Variants in MAST1 observed in about 807,000 individuals in gnomAD.
The protein encoded by MAST1 is microtubule associated serine/threonine kinase 1.
In MAST1, 40 loss-of-function variants were observed where a neutral mutation model predicts 124.6. The ratio of observed to expected loss-of-function variants is 0.32; its 90% CI spans 0.25 to 0.42. MAST1 has a LOEUF of 0.42. Among genes scored for constraint, MAST1 ranks in the 10% least tolerant of loss-of-function variants. MAST1 has a pLI of 1.00. For synonymous variants in MAST1, 938 were observed against 939.4 expected, an observed-to-expected ratio of 1.00 and a Z score of 0.03; for missense variants, 1,558 against 2,181.9, an observed-to-expected ratio of 0.71 and a Z score of 5.70.
In MAST1 at chr19:12,844,592, C is replaced by A. The variant is rs562733700; in HGVS notation, c.327+985C>A. 3.9e-5 allele frequency among the ~76,000 whole-genome samples: 6 copies of A among 152,238 alleles called. No individual in the cohort carries two copies. In the East Asian group the frequency reaches 1.2e-3, roughly 29 times the overall value. ...GGAGGAGGTGACATTGAAACCAAGA[C>A]AACAGACCAGCAGGAGTTTGGCAGA... On this transcript the variant is annotated intron_variant, in intron 4 of 25. Transcript: ENST00000251472.
chr19:12,842,941 C>A (rs545201581), intron 3 of MAST1, among the ~76,000 whole-genome samples: 1 of 151,962 alleles, frequency 6.6e-6, no homozygotes, highest in Non-Finnish European at 1.5e-5. Flanking sequence ...ATGGGATAGT[C>A]AATACGTGTG....
chr19:12,849,134 G>T (rs1445173004), intron 7 of MAST1, among the ~76,000 whole-genome samples: 2 of 152,158 alleles, frequency 1.3e-5, no homozygotes, highest in South Asian at 2.1e-4. Context: ...GGTGAGGGTG[G>T]GGGGGTGGAG....
chr19:12,867,425 G>A, intron 18 of MAST1, 49 bp from the exon 19 acceptor site: 1 of 1,605,666 alleles, frequency 6.2e-7, no homozygotes, highest in Admixed American at 1.7e-5. Flanking sequence ...ATTAGCTCCG[G>A]AGTGAAAGTG....
chr19:12,863,597 A>G (rs1206047896), intron 12 of MAST1, among the ~76,000 whole-genome samples: 1 of 152,160 alleles, frequency 6.6e-6, no homozygotes, highest in African/African-American at 2.4e-5. Context: ...CTCATGTAGC[A>G]AGGTTGCCAT....
chr19:12,866,836 G>T lies in MAST1; in HGVS notation c.2139+74G>T. ...GGCTTGGAGAGACAGTGAGAAACAG[G>T]TTCCCTGGTGCCCAAGGTCTCAGGA... On this transcript the variant is annotated intron_variant, in intron 18 of 25. Coordinates refer to ENST00000251472, the MANE Select transcript of MAST1 (RefSeq NM_014975.3). The surrounding 1 kb of genome is among the most constrained non-coding windows in gnomAD (Gnocchi z 5.2). 7.9e-7 allele frequency: 1 copy of T among 1,259,766 alleles called. No individual in the cohort carries two copies. Among genetic ancestry groups the T allele is most frequent in the Non-Finnish European group, 1.1e-6 (1 of 881,432 alleles). 78.0% of individuals were successfully genotyped at this position (1,259,766 alleles called of 1,614,324 possible).
Position 12,847,712 on chromosome 19 carries a change from C to CG in MAST1, c.564+29dup. The CG allele has an allele frequency of 6.2e-7, 1 of 1,611,300 alleles. No individual in the cohort carries two copies. The highest frequency in any genetic ancestry group is 1.3e-5 in the African/African-American group (1 of 74,974). On this transcript the variant is annotated intron_variant, in intron 6 of 25. Coordinates refer to ENST00000251472, the MANE Select transcript of MAST1 (RefSeq NM_014975.3). The surrounding 1 kb of genome is among the most constrained non-coding windows in gnomAD (Gnocchi z 5.5). ...GGTGAGGTGGGACCCGAGGCGGTCA[C>CG]GGGGTGACCAGGCGGCCTGCACTCT...
Position 12,865,505 on chromosome 19 carries a change from G to T in MAST1, c.1804+24G>T. On this transcript the variant is annotated intron_variant, in intron 15 of 25. Coordinates refer to ENST00000251472, the MANE Select transcript of MAST1 (RefSeq NM_014975.3). This position sits in a 1 kb window ranked among gnomAD's most constrained non-coding sequence, Gnocchi z 7.1. ...TGGTACGTGGCTTGGCAGTGTACAG[G>T]GGCAGAGTGTGGTGTGCACGGAGAG... 1 of 1,556,424 alleles carries T rather than the reference G, an allele frequency of 6.4e-7. No homozygotes were observed. Among genetic ancestry groups the T allele is most frequent in the South Asian group, 1.2e-5 (1 of 80,902 alleles).
chr19:12,874,715 C>T lies in MAST1; in HGVS notation c.4558C>T (p.Pro1520Ser), dbSNP rs1197850826. Residue 1520 changes from proline to serine, a missense_variant, in exon 26 of 26, where the codon CCC becomes TCC. Physicochemically the swap from Pro to Ser is moderately conservative, Grantham distance 74. Transcript: ENST00000251472. This position sits in a 1 kb window ranked among gnomAD's most constrained non-coding sequence, Gnocchi z 6.6. ...CCTAGCCCCAGCGAAGTGCAGTGCA[C>T]CCAGCAGTGCAGTGACCCCAGTCCC... ...PSLAPAKCSA[P>S]SSAVTPVPPA... 1 of 1,592,530 alleles carries T rather than the reference C, an allele frequency of 6.3e-7. No individual in the cohort carries two copies. Among genetic ancestry groups the T allele is most frequent in the East Asian group, 2.3e-5 (1 of 44,348 alleles).
Position 12,868,754 on chromosome 19 carries a change from CA to C in MAST1, c.2679del (p.Asp895MetfsTer4). The C allele has an allele frequency of 6.2e-7, 1 of 1,612,714 alleles. No individual in the cohort carries two copies. Reference protein sequence around the residue: ...VLRRARHQQMSGDVAVEKRPS... With the variant: ...VLRRARHQQMXGDVAVEKRPS... Reference sequence around the variant, plus strand: ...CGCCGGGCGCGGCACCAGCAGATGTCAGGGGATGTGGCAGTAGAGAAGAGGC... The same window carrying C: ...CGCCGGGCGCGGCACCAGCAGATGTCGGGGATGTGGCAGTAGAGAAGAGGC... On this transcript the variant is annotated frameshift_variant, in exon 21 of 26. Transcript: ENST00000251472. LOFTEE classifies it high-confidence loss of function.
At position 12,850,639 on chromosome 19, in the gene MAST1, CAT is replaced by C. The variant is rs966298134; in HGVS notation, c.775-1291_775-1290del. Among the ~76,000 whole-genome samples the C allele has an allele frequency of 7.6e-4, 116 of 152,312 alleles. 1 individual carries two copies. The highest frequency in any genetic ancestry group is 2.7e-3 in the African/African-American group (111 of 41,582). ...ACATTTTCAAAGACACATTAAAACA[CAT>C]ATAGGTTGGTGCATACTTTTTTTTG... is the stretch of plus-strand genomic sequence containing the variant. On this transcript the variant is annotated intron_variant, in intron 7 of 25. Transcript: ENST00000251472.
chr19:12,871,153 G>A lies in MAST1; in HGVS notation c.3244G>A (p.Ala1082Thr), dbSNP rs778091278. 4.6e-5 allele frequency: 74 copies of A among 1,614,034 alleles called. No individual in the cohort carries two copies. Among genetic ancestry groups the A allele is most frequent in the East Asian group, 2.0e-4 (9 of 44,894 alleles). The change falls in exon 24 of 26, where the codon GCC becomes ACC. Residue 1082 changes from alanine (A) to threonine (T), a missense_variant. Coordinates refer to ENST00000251472, the MANE Select transcript of MAST1 (RefSeq NM_014975.3). ...GGCTCGGAGGAACAAGCGACCCTCCGCCAAGGAGGGCCAGGAGAGGTGGGC... is the reference window on the plus strand; with the variant it reads ...GGCTCGGAGGAACAAGCGACCCTCCACCAAGGAGGGCCAGGAGAGGTGGGC... ...KMARRNKRPS[A>T]KEGQESKKRS...
At position 12,865,877 on chromosome 19, in the gene MAST1, C is replaced by A; in HGVS notation, c.1906+59C>A. 1 of 1,603,284 alleles carries A rather than the reference C, an allele frequency of 6.2e-7. No homozygotes were observed. Among genetic ancestry groups the A allele is most frequent in the Non-Finnish European group, 8.5e-7 (1 of 1,172,996 alleles). ...CTGATAGAGAGCAGGCCTCCAAAACCCCAGGCCCAGCCTGTGCTGTGGCCC... is the reference window on the plus strand; with the variant it reads ...CTGATAGAGAGCAGGCCTCCAAAACACCAGGCCCAGCCTGTGCTGTGGCCC... On this transcript the variant is annotated intron_variant, in intron 16 of 25. Transcript: ENST00000251472. This position sits in a 1 kb window ranked among gnomAD's most constrained non-coding sequence, Gnocchi z 7.1.
In MAST1 at chr19:12,865,386, G is replaced by A; in HGVS notation, c.1709G>A (p.Trp570Ter). 6.2e-7 allele frequency: 1 copy of A among 1,612,666 alleles called. No homozygotes were observed. The highest frequency in any genetic ancestry group is 8.5e-7 in the Non-Finnish European group (1 of 1,179,272). ...CAAGGCTACGGCAAGCCAGTGGACT[G>A]GTGGGCTATGGGGATCATCCTCTAC... ...LRQGYGKPVD[W>*]WAMGIILYEF... is the part of the protein sequence containing the mutation. The change falls in exon 15 of 26, where the codon TGG (tryptophan) becomes TAG (stop). Residue 570 changes from tryptophan to a stop codon, truncating the protein, a stop_gained. Transcript: ENST00000251472. LOFTEE classifies it high-confidence loss of function. This position sits in a 1 kb window ranked among gnomAD's most constrained non-coding sequence, Gnocchi z 7.1.
Position 12,865,856 on chromosome 19 carries a change from T to TA in MAST1, c.1906+39dup, listed in dbSNP as rs1568413507. 6 of 1,602,554 alleles carry TA rather than the reference T, an allele frequency of 3.7e-6. No individual in the cohort carries two copies. In the South Asian group the frequency reaches 5.5e-5, roughly 15 times the overall value. Reference sequence around the variant, plus strand: ...TGCAGAGGAGCTGAGGGCCCACTGATAGAGAGCAGGCCTCCAAAACCCCAG... The same window carrying TA: ...TGCAGAGGAGCTGAGGGCCCACTGATAAGAGAGCAGGCCTCCAAAACCCCAG... On this transcript the variant is annotated intron_variant, in intron 16 of 25. Coordinates refer to ENST00000251472, the MANE Select transcript of MAST1 (RefSeq NM_014975.3). The surrounding 1 kb of genome is among the most constrained non-coding windows in gnomAD (Gnocchi z 7.1).
intron 12 of MAST1, among the ~76,000 whole-genome samples, chr19:12,861,106 A>G (rs1373879105): frequency 6.6e-6 from 1 of 152,092 alleles, no homozygotes; most frequent in Admixed American, 6.6e-5. Flanking sequence ...TCTTTCACCC[A>G]GGCTGGAGTG....
rs909917182 is a variant in MAST1, at chr19:12,865,566, G to A, written c.1804+85G>A. 4.0e-6 allele frequency: 6 copies of A among 1,514,862 alleles called. No individual in the cohort carries two copies. The highest frequency in any genetic ancestry group is 2.1e-5 in the Admixed American group (1 of 47,494). The allele number at this position is 1,514,862 out of a possible 1,614,324, so 93.8% of individuals were successfully genotyped here. A position where few individuals can be genotyped will look rare whatever the true frequency, so the allele number is the denominator to read the frequency against. Reference sequence around the variant, plus strand: ...TCAGGGTTCCAGGGATTTCAAAAGCGACCCCCCAGAGGATCGCTTGCACTC... The same window carrying A: ...TCAGGGTTCCAGGGATTTCAAAAGCAACCCCCCAGAGGATCGCTTGCACTC... On this transcript the variant is annotated intron_variant, in intron 15 of 25. Coordinates refer to ENST00000251472, the MANE Select transcript of MAST1 (RefSeq NM_014975.3). This position sits in a 1 kb window ranked among gnomAD's most constrained non-coding sequence, Gnocchi z 7.1.
At chr19:12,853,871 A>AAATAAT (rs58815071) in intron 10 of MAST1, among the ~76,000 whole-genome samples, 98 of 142,942 alleles carry the variant, frequency 6.9e-4, no homozygotes, top group African/African-American at 1.9e-3. Context: ...CTCTGTCTCA[A>AAATAAT]AATAATAATA....
intron 4 of MAST1, among the ~76,000 whole-genome samples, chr19:12,845,050 C>T (rs1235056156): frequency 6.6e-6 from 1 of 151,986 alleles, no homozygotes; most frequent in African/African-American, 2.4e-5. Context: ...GCCTATAATC[C>T]TAGCATTTTG....
chr19:12,868,103 A>ATTTTTTTTTTTTTTTTTTTTTTTTTTTT (rs34988246), intron 20 of MAST1, 126 bp downstream of exon 20: 9 of 322,292 alleles, frequency 2.8e-5, no homozygotes, highest in African/African-American at 8.4e-5. Context: ...GCAATTTGGG[A>ATTTTTTTTTTTTTTTTTTTTTTTTTTTT]TTTTTTTTTT....
Sources: gnomAD v4.1 joint callset for allele counts (sites outside exome capture counted in the v4.1 genomes callset) on GRCh38, gnomAD v4.1.1 for gene constraint, Gnocchi (gnomAD v3.1) non-coding constraint, MANE v1.5 for transcripts, NCBI Gene and HGNC (gene_info 2026-07-23, HGNC 2026-07-21) for gene names.